The following APOB variants were observed in gnomAD, a reference collection of about 807,000 sequenced individuals.
APOB encodes apolipoprotein B.
A neutral mutation model predicts 314.1 loss-of-function variants in APOB; 153 were observed. That is an observed-to-expected ratio of 0.49 (90% CI 0.43 to 0.56). The LOEUF is 0.56. Among genes scored for constraint, APOB ranks in the 20% least tolerant of loss-of-function variants. APOB has a pLI of 0.00. For missense variants in APOB, 5,430 were observed against 5,350.7 expected (o/e 1.01, Z -0.46); for synonymous variants, 2,087 against 2,036.4 (o/e 1.02, Z -0.67).
chr2:21,043,157 C>A (rs72653054), intron 2 of APOB, among the ~76,000 whole-genome samples: 53 of 151,704 alleles, frequency 3.5e-4, no homozygotes, highest in African/African-American at 1.2e-3. Context: ...GGTTCGATTT[C>A]TTCACAAAGG....
chr2:21,002,280 A>G lies in APOB; in HGVS notation c.13142T>C (p.Ile4381Thr). 1 of 1,613,954 alleles carries G rather than the reference A, an allele frequency of 6.2e-7. No homozygotes were observed. The highest frequency in any genetic ancestry group is 8.5e-7 in the Non-Finnish European group (1 of 1,179,958). The part of the protein sequence containing the change: ...SQELQQIHQY[I>T]MALREEYFDP... ...AAAATATTCTTCACGAAGGGCCATA[A>G]TGTATTGATGGATCTGCTGTAACTC... The change falls in exon 29 of 29, where the codon ATT becomes ACT. Residue 4381 changes from isoleucine to threonine, a missense_variant. Physicochemically the swap from Ile to Thr is moderately conservative, Grantham distance 89 (BLOSUM62 -1). This residue lies in a region of APOB where 3,281 missense variants were observed against 3,171.0 expected (regional missense o/e 1.03). Coordinates refer to ENST00000233242, the MANE Select transcript of APOB (RefSeq NM_000384.3).
chr2:21,002,657 G>A lies in APOB; in HGVS notation c.12765C>T (p.Phe4255=), dbSNP rs746160756. ...YFQDLVITLP[F]ELRKHKLIDV... ...CTATTAGTTTATGTTTCCTTAACTC[G>A]AAAGGAAGTGTAATCACTAGGTCTT... Residue 4255 remains phenylalanine, a synonymous_variant, in exon 29 of 29, where the codon TTC becomes TTT. Coordinates refer to ENST00000233242, the MANE Select transcript of APOB (RefSeq NM_000384.3). The A allele has an allele frequency of 2.5e-5, 40 of 1,613,554 alleles. No individual in the cohort carries two copies. Among genetic ancestry groups the A allele is most frequent in the East Asian group, 1.3e-4 (6 of 44,876 alleles).
chr2:21,025,003 A>T lies in APOB; in HGVS notation c.2366T>A (p.Leu789His). The part of the protein sequence containing the change: ...ILGEELGFAS[L>H]HDLQLLGKLL... ...CTTTCCCAGGAGCTGGAGGTCATGG[A>T]GACTGGCAAAACCAAGCTCCTCTCC... Residue 789 changes from leucine (L) to histidine (H), a missense_variant, in exon 16 of 29, where the codon CTC becomes CAC. Leu to His is a moderately conservative substitution (Grantham distance 99). Transcript: ENST00000233242. 1 of 1,614,226 alleles carries T rather than the reference A, an allele frequency of 6.2e-7. No homozygotes were observed. Among genetic ancestry groups the T allele is most frequent in the Non-Finnish European group, 8.5e-7 (1 of 1,180,038 alleles).
At position 21,002,199 on chromosome 2, in the gene APOB, A is replaced by C; in HGVS notation, c.13223T>G (p.Val4408Gly). The part of the protein sequence containing the change: ...VKYYELEEKI[V>G]SLIKNLLVAL... ...AACTAACAGGTTCTTGATCAGACTG[A>C]CTATCTTTTCTTCAAGTTCATAATA... The change falls in exon 29 of 29, where the codon GTC (valine) becomes GGC (glycine). Residue 4408 changes from valine (V) to glycine (G), a missense_variant. By Grantham distance (109) the Val-to-Gly change is moderately radical. Transcript: ENST00000233242. The C allele has an allele frequency of 6.2e-7, 1 of 1,613,970 alleles. No individual in the cohort carries two copies. The highest frequency in any genetic ancestry group is 8.5e-7 in the Non-Finnish European group (1 of 1,179,956).
At chr2:21,014,974 C>G (rs1663426428) in intron 23 of APOB, 99 bp downstream of exon 23, 2 of 1,276,326 alleles carry the variant, frequency 1.6e-6, no homozygotes, top group Admixed American at 1.7e-5. Context: ...GGAAGCATGC[C>G]TTATACATCT....
rs1663688299 is a variant in APOB, at chr2:21,024,627, T to A, written c.2436+306A>T. The stretch of plus-strand genomic sequence containing the variant: ...ACTCCATCTCAAAAAATTAAAAAAA[T>A]AAAAATAAAAATAAAAGGACCTTCA... On this transcript the variant is annotated intron_variant, in intron 16 of 28. Transcript: ENST00000233242. 9.6e-6 allele frequency: 5 copies of A among 521,442 alleles called. No individual in the cohort carries two copies. In the East Asian group the frequency reaches 1.6e-4, roughly 16 times the overall value. The allele number at this position is 521,442 out of a possible 1,614,324, so 32.3% of individuals were successfully genotyped here.
intron 16 of APOB, chr2:21,024,448 G>A (rs1376156780): frequency 1.1e-5 from 2 of 189,248 alleles, no homozygotes; most frequent in Non-Finnish European, 2.2e-5. Flanking sequence ...CAACAGGCTT[G>A]TCTCTACTAA....
At chr2:21,036,214 G>C (rs537352274) in intron 6 of APOB, among the ~76,000 whole-genome samples, 2 of 152,216 alleles carry the variant, frequency 1.3e-5, no homozygotes, top group East Asian at 3.9e-4. Flanking sequence ...CCTGGCTCCT[G>C]CATTAGACTG....
chr2:21,008,752 T>G lies in APOB; in HGVS notation c.8116A>C (p.Ile2706Leu). 6.2e-7 allele frequency: 1 copy of G among 1,614,066 alleles called. No homozygotes were observed. Among genetic ancestry groups the G allele is most frequent in the Non-Finnish European group, 8.5e-7 (1 of 1,179,968 alleles). Residue 2706 changes from isoleucine to leucine, a missense_variant, in exon 26 of 29, where the codon ATC becomes CTC. Physicochemically the swap from Ile to Leu is conservative, Grantham distance 5. This residue lies in a region of APOB where 3,281 missense variants were observed against 3,171.0 expected (regional missense o/e 1.03). Coordinates refer to ENST00000233242, the MANE Select transcript of APOB (RefSeq NM_000384.3). Reference protein sequence around the residue: ...LKVEDIPLARITLPDFRLPEI... With the variant: ...LKVEDIPLARLTLPDFRLPEI... The stretch of plus-strand genomic sequence containing the variant: ...GGTAAACGGAAGTCTGGCAGGGTGA[T>G]TCTCGCTAGAGGAATGTCCTCCACC...
chr2:21,008,478 C>T lies in APOB; in HGVS notation c.8390G>A (p.Gly2797Glu). ...ATTGAGAACTTCTAATTTGGACTCT[C>T]CTTTGGCAGTGATGGAAGCTGCGAT... ...AGIAASITAK[G>E]ESKLEVLNFD... The change falls in exon 26 of 29, where the codon GGA (glycine) becomes GAA (glutamate). Residue 2797 changes from glycine to glutamate, a missense_variant. This residue lies in a region of APOB where 3,281 missense variants were observed against 3,171.0 expected (regional missense o/e 1.03). Coordinates refer to ENST00000233242, the MANE Select transcript of APOB (RefSeq NM_000384.3). The T allele has an allele frequency of 1.9e-6, 3 of 1,614,086 alleles. No individual in the cohort carries two copies. Among genetic ancestry groups the T allele is most frequent in the Non-Finnish European group, 2.5e-6 (3 of 1,179,984 alleles).
chr2:21,006,800 A>G lies in APOB; in HGVS notation c.10068T>C (p.Leu3356=). Residue 3356 remains leucine, a synonymous_variant, in exon 26 of 29, where the codon CTT becomes CTC. Coordinates refer to ENST00000233242, the MANE Select transcript of APOB (RefSeq NM_000384.3). ...SVITLNTNAE[L]FNQSDIVAHL... is the part of the protein sequence containing the mutation. ...GAGCAACAATATCTGACTGGTTAAA[A>G]AGTTCAGCATTGGTATTCAGTGTGA... 6.2e-7 allele frequency: 1 copy of G among 1,614,122 alleles called. No homozygotes were observed. Among genetic ancestry groups the G allele is most frequent in the Non-Finnish European group, 8.5e-7 (1 of 1,179,976 alleles).
intron 14 of APOB, among the ~76,000 whole-genome samples, chr2:21,027,306 ATTTTTTTTTTT>A (rs71391771): frequency 2.8e-5 from 3 of 105,876 alleles, no homozygotes; most frequent in Non-Finnish European, 1.9e-5. Flanking sequence ...TTGCATTTCA[ATTTTTTTTTTT>A]TTTTTTTTTT....
intron 26 of APOB, 83 bp downstream of exon 26, chr2:21,004,997 T>C: frequency 6.4e-7 from 1 of 1,556,316 alleles, no homozygotes; most frequent in Non-Finnish European, 8.8e-7. Flanking sequence ...GTACATCTAC[T>C]CACAACTAAA....
At chr2:21,015,694 A>T in intron 21 of APOB, 149 bp from the exon 22 acceptor site, 1 of 869,192 alleles carries the variant, frequency 1.2e-6, no homozygotes, top group South Asian at 1.4e-5. Flanking sequence ...TCAACTTCTA[A>T]AGCCAACATT....
At position 21,023,084 on chromosome 2, in the gene APOB, T is replaced by G. The variant is rs751983778; in HGVS notation, c.2605-42A>C. On this transcript the variant is annotated intron_variant, in intron 17 of 28. Coordinates refer to ENST00000233242, the MANE Select transcript of APOB (RefSeq NM_000384.3). The stretch of plus-strand genomic sequence containing the variant: ...AACCTATTCAGATTCATTAAATACT[T>G]CAGTCCCCTGTCAGTCAGATCAACC... 11 of 1,558,042 alleles carry G rather than the reference T, an allele frequency of 7.1e-6. No individual in the cohort carries two copies. In the South Asian group the frequency reaches 1.2e-4, roughly 17 times the overall value.
chr2:21,009,950 T>A lies in APOB; in HGVS notation c.6918A>T (p.Ser2306=), dbSNP rs764563895. The A allele has an allele frequency of 1.2e-6, 2 of 1,613,802 alleles. No individual in the cohort carries two copies. The highest frequency in any genetic ancestry group is 1.7e-6 in the Non-Finnish European group (2 of 1,179,806). ...CAAGAATGTCATTTATTCTTTCAAA[T>A]GAAATTGTAGTTCCCAATTGATCTA... ...VLLDQLGTTI[S]FERINDILEH... Residue 2306 remains serine, a synonymous_variant, in exon 26 of 29, where the codon TCA becomes TCT. Transcript: ENST00000233242.
rs759246439 is a variant in APOB at position 21,012,447 on chromosome 2, T to C, written c.4421A>G (p.Lys1474Arg). ...QMSASVHLDSKKKQHLFVKEV... is the reference protein window; with the variant it reads ...QMSASVHLDSRKKQHLFVKEV... ...TTTGACAAACAAATGCTGTTTCTTTTTGGAGTCCAAATGAACTGAAGCAGA... is the reference window on the plus strand; with the variant it reads ...TTTGACAAACAAATGCTGTTTCTTTCTGGAGTCCAAATGAACTGAAGCAGA... The change falls in exon 26 of 29, where the codon AAA (lysine) becomes AGA (arginine). Residue 1474 changes from lysine to arginine, a missense_variant. Transcript: ENST00000233242. 8.4e-5 allele frequency: 135 copies of C among 1,614,078 alleles called. No homozygotes were observed. The highest frequency in any genetic ancestry group is 1.3e-4 in the Admixed American group (8 of 60,004).
In APOB at chr2:21,012,516, C is replaced by G. The variant is rs777471630; in HGVS notation, c.4352G>C (p.Gly1451Ala). 3 of 1,614,174 alleles carry G rather than the reference C, an allele frequency of 1.9e-6. No homozygotes were observed. The South Asian group carries it at 3.3e-5, about 18-fold the overall frequency. ...EKLGNNPVSK[G>A]LLIFDASSSW... ...ACTAGATGCATCGAATATTAGTAAA[C>G]CTTTTGAGACTGGGTTGTTTCCAAG... The change falls in exon 26 of 29, where the codon GGT becomes GCT. Residue 1451 changes from glycine (G) to alanine (A), a missense_variant. Physicochemically the swap from Gly to Ala is moderately conservative, Grantham distance 60. This residue lies in a region of APOB where 2,085 missense variants were observed against 2,079.7 expected (regional missense o/e 1.00). Transcript: ENST00000233242.
In APOB at chr2:21,007,462, G is replaced by A. The variant is rs72653102; in HGVS notation, c.9406C>T (p.Arg3136Cys). The A allele has an allele frequency of 9.8e-5, 158 of 1,613,980 alleles. No homozygotes were observed. Among genetic ancestry groups the A allele is most frequent in the Non-Finnish European group, 1.2e-4 (139 of 1,179,936 alleles). Reference sequence around the variant, plus strand: ...GTTGTGATTATTGTGTAAGGTAGACGCATTTCAGGAATTGTTAAAGGAATG... The same window carrying A: ...GTTGTGATTATTGTGTAAGGTAGACACATTTCAGGAATTGTTAAAGGAATG... ...LNIPLTIPEM[R>C]LPYTIITTPP... Residue 3136 changes from arginine to cysteine, a missense_variant, in exon 26 of 29, where the codon CGT (arginine) becomes TGT (cysteine). Arg to Cys is a radical substitution (Grantham distance 180, BLOSUM62 -3). Around this residue, in one of 3 missense-constraint regions of APOB, gnomAD observed 3,281 missense variants for 3,171.0 expected, o/e 1.03. Transcript: ENST00000233242.
Sources: allele counts gnomAD v4.1 joint callset (sites outside exome capture counted in the v4.1 genomes callset), GRCh38; gene constraint gnomAD v4.1.1; regional missense constraint gnomAD v4.1.1; transcripts MANE v1.5; gene names NCBI Gene and HGNC (gene_info 2026-07-23, HGNC 2026-07-21).